The following EPB41L2 variants were observed in gnomAD, a reference collection of about 807,000 sequenced individuals.
EPB41L2 encodes band 4.1-like protein 2.
A neutral mutation model predicts 113.0 loss-of-function variants in EPB41L2; 43 were observed. That is an observed-to-expected ratio of 0.38 (90% confidence interval 0.30 to 0.49). The LOEUF (loss-of-function observed/expected upper bound fraction) is 0.49. Among genes scored for constraint, EPB41L2 ranks in the 20% least tolerant of loss-of-function variants. The pLI is 0.95. For synonymous variants in EPB41L2, 442 were observed against 436.7 expected (o/e 1.01, Z -0.15); for missense variants, 1,147 against 1,223.4 (o/e 0.94, Z 0.93).
chr6:130,993,293 G>C (rs1273761356), intron 1 of EPB41L2, among the ~76,000 whole-genome samples: 1 of 152,096 alleles, frequency 6.6e-6, no homozygotes, highest in African/African-American at 2.4e-5. Flanking sequence ...ATAGATAAGA[G>C]AAATATGAAA....
intron 1 of EPB41L2, among the ~76,000 whole-genome samples, chr6:130,979,117 A>G (rs1778799859): frequency 6.6e-6 from 1 of 152,208 alleles, no homozygotes; most frequent in African/African-American, 2.4e-5. Flanking sequence ...TCTGCAGGCA[A>G]TAAGAAAATG....
At chr6:131,026,072 C>A (rs1790796546) in intron 1 of EPB41L2, among the ~76,000 whole-genome samples, 1 of 152,034 alleles carries the variant, frequency 6.6e-6, no homozygotes, top group South Asian at 2.1e-4. Flanking sequence ...GAGTGGCCAG[C>A]CAGCAATGAG....
At chr6:130,874,860 A>G (rs1786986232) in intron 14 of EPB41L2, among the ~76,000 whole-genome samples, 1 of 151,860 alleles carries the variant, frequency 6.6e-6, no homozygotes, top group African/African-American at 2.4e-5. Context: ...CTAAAATGTC[A>G]AAGTTTCCTA....
intron 1 of EPB41L2, chr6:131,015,947 T>C (rs1250817741): frequency 6.6e-6 from 1 of 152,216 alleles, no homozygotes; most frequent in East Asian, 1.9e-4. Context: ...CTGAAGGTCC[T>C]TCATGTGTCT....
chr6:130,945,178 T>G (rs1583748981), intron 3 of EPB41L2, among the ~76,000 whole-genome samples: 1 of 152,222 alleles, frequency 6.6e-6, no homozygotes. Context: ...AATATGTAGA[T>G]AGTTGAAACT....
chr6:130,944,071 G>A (rs1296062830), intron 3 of EPB41L2, among the ~76,000 whole-genome samples: 1 of 151,388 alleles, frequency 6.6e-6, no homozygotes, highest in East Asian at 1.9e-4. Flanking sequence ...ATAACAAGTC[G>A]GTCTGCTGTT....
chr6:130,876,880 C>A (rs879413820), intron 14 of EPB41L2: 10 of 480,788 alleles, frequency 2.1e-5, no homozygotes, highest in African/African-American at 1.6e-4. Flanking sequence ...ATGACACACA[C>A]CAGGAGAAGT....
chr6:130,930,507 G>T (rs1806465004), intron 3 of EPB41L2, among the ~76,000 whole-genome samples: 2 of 152,090 alleles, frequency 1.3e-5, no homozygotes, highest in Admixed American at 6.6e-5. Flanking sequence ...AAATATTTCT[G>T]GTCCCAAGCA....
At chr6:131,056,160 TA>T (rs1431324249) in intron 1 of EPB41L2, among the ~76,000 whole-genome samples, 1 of 152,226 alleles carries the variant, frequency 6.6e-6, no homozygotes, top group Non-Finnish European at 1.5e-5. Flanking sequence ...TGTGTGCAGG[TA>T]TATTTCACAC....
chr6:130,955,318 C>G lies in EPB41L2; in HGVS notation c.493-1G>C. 1.9e-6 allele frequency: 3 copies of G among 1,579,922 alleles called. No homozygotes were observed. The highest frequency in any genetic ancestry group is 2.6e-6 in the Non-Finnish European group (3 of 1,172,888). On this transcript the variant is annotated splice_acceptor_variant, in intron 2 of 19. Transcript: ENST00000337057. LOFTEE classifies it high-confidence loss of function. Reference sequence around the variant, plus strand: ...TCTCCTTACTTACTAATTCAGTAGGCTGTTGAGGAAAAAAAAATAAATTCA... The same window carrying G: ...TCTCCTTACTTACTAATTCAGTAGGGTGTTGAGGAAAAAAAAATAAATTCA...
chr6:130,932,745 A>C (rs372604198), intron 3 of EPB41L2, among the ~76,000 whole-genome samples: 15 of 152,262 alleles, frequency 9.9e-5, no homozygotes, highest in African/African-American at 3.6e-4. Flanking sequence ...GAAAGAGGAC[A>C]TCTTACTTCA....
At chr6:131,055,448 T>A (rs1797406277) in intron 1 of EPB41L2, among the ~76,000 whole-genome samples, 1 of 152,130 alleles carries the variant, frequency 6.6e-6, no homozygotes, top group Non-Finnish European at 1.5e-5. Context: ...GATTCAAGAA[T>A]CACACAACTA....
chr6:131,017,360 C>T (rs1788471946), intron 1 of EPB41L2, among the ~76,000 whole-genome samples: 1 of 152,154 alleles, frequency 6.6e-6, no homozygotes, highest in African/African-American at 2.4e-5. Flanking sequence ...AGAAAATTCA[C>T]TGATGAGTAG....
chr6:130,935,072 G>T (rs1320396024), intron 3 of EPB41L2, among the ~76,000 whole-genome samples: 2 of 152,044 alleles, frequency 1.3e-5, no homozygotes, highest in Non-Finnish European at 2.9e-5. Context: ...ACAGAATATT[G>T]GGGGAATTTT....
chr6:130,962,386 T>A (rs566549123), intron 1 of EPB41L2, among the ~76,000 whole-genome samples: 1 of 152,266 alleles, frequency 6.6e-6, no homozygotes, highest in South Asian at 2.1e-4. Context: ...TGCAAGTAAG[T>A]CCTTACCCTC....
intron 1 of EPB41L2, among the ~76,000 whole-genome samples, chr6:130,958,141 T>C (rs35291891): frequency 0.02 from 3,067 of 152,142 alleles, 48 homozygotes; most frequent in South Asian, 0.057. Flanking sequence ...ATTAAGTCAA[T>C]AGCATGTTGC....
chr6:130,957,400 G>T (rs907902714), intron 1 of EPB41L2, among the ~76,000 whole-genome samples: 5 of 152,214 alleles, frequency 3.3e-5, no homozygotes, highest in African/African-American at 1.2e-4. Context: ...CGGGGCCTGC[G>T]GAGATAGCCG....
At chr6:130,959,558 T>A (rs528239796) in intron 1 of EPB41L2, among the ~76,000 whole-genome samples, 70 of 152,326 alleles carry the variant, frequency 4.6e-4, no homozygotes, top group African/African-American at 1.3e-3. Context: ...TTAACTATTA[T>A]ACCCACATAT....
At chr6:130,988,188 C>G (rs1781018807) in intron 1 of EPB41L2, among the ~76,000 whole-genome samples, 1 of 152,112 alleles carries the variant, frequency 6.6e-6, no homozygotes, top group Non-Finnish European at 1.5e-5. Flanking sequence ...AGGTATTAAA[C>G]ACATTTTAGA....
Sources: gnomAD v4.1 joint callset for allele counts (sites outside exome capture counted in the v4.1 genomes callset) on GRCh38, gnomAD v4.1.1 for gene constraint, MANE v1.5 for transcripts, NCBI Gene and HGNC (gene_info 2026-07-23, HGNC 2026-07-21) for gene names.